The following PPP4R3A variants were observed in gnomAD, a reference collection of about 807,000 sequenced individuals.
PPP4R3A encodes the protein serine/threonine-protein phosphatase 4 regulatory subunit 3A.
A neutral mutation model predicts 91.7 loss-of-function variants in PPP4R3A; 15 were observed. The ratio of observed to expected loss-of-function variants is 0.16; its 90% CI spans 0.11 to 0.25. The LOEUF is 0.25. Ranked by LOEUF, PPP4R3A falls within the 10% of genes least tolerant of loss-of-function variation. PPP4R3A has a pLI of 1.00. For missense variants in PPP4R3A, 623 were observed against 998.4 expected (o/e 0.62, Z 5.07); for synonymous variants, 377 against 348.7 (o/e 1.08, Z -0.91).
chr14:91,490,479 CT>C (rs11462458), intron 2 of PPP4R3A, among the ~76,000 whole-genome samples: 29 of 147,068 alleles, frequency 2.0e-4, no homozygotes, highest in East Asian at 1.2e-3. Flanking sequence ...CAATGGTCAC[CT>C]TTTTTTTTTA....
Position 91,461,442 on chromosome 14 carries a change from G to A in PPP4R3A, c.2330C>T (p.Ser777Phe). ...GSPGSPGSPG[S>F]PGSPGSVPKN... ...AGGTACGGATCCAGGAGAGCCTGGA[G>A]ATCCTGGGGATCCAGGTGATCCCGG... The change falls in exon 14 of 15, where the codon TCT (serine) becomes TTT (phenylalanine). Residue 777 changes from serine to phenylalanine, a missense_variant. Ser to Phe is a radical substitution (Grantham distance 155). Transcript: ENST00000554943. 6.2e-7 allele frequency: 1 copy of A among 1,614,118 alleles called. No individual in the cohort carries two copies. Among genetic ancestry groups the A allele is most frequent in the Non-Finnish European group, 8.5e-7 (1 of 1,179,984 alleles).
At chr14:91,479,363 C>A (rs1889409133) in intron 4 of PPP4R3A, among the ~76,000 whole-genome samples, 1 of 150,514 alleles carries the variant, frequency 6.6e-6, no homozygotes, top group African/African-American at 2.5e-5. Context: ...CTTTGTACTA[C>A]ACAAACTTAT....
At chr14:91,479,175 G>A (rs1340084191) in intron 4 of PPP4R3A, among the ~76,000 whole-genome samples, 1 of 151,938 alleles carries the variant, frequency 6.6e-6, no homozygotes, top group East Asian at 1.9e-4. Context: ...TAGAGACGAG[G>A]TTTTGCCATG....
chr14:91,508,678 T>A (rs1891564775), intron 1 of PPP4R3A, among the ~76,000 whole-genome samples: 1 of 152,194 alleles, frequency 6.6e-6, no homozygotes, highest in Admixed American at 6.5e-5. Flanking sequence ...CGTGAAACAC[T>A]TATTTTCAAA....
intron 9 of PPP4R3A, among the ~76,000 whole-genome samples, chr14:91,472,208 T>C (rs1475781395): frequency 1.3e-5 from 2 of 151,480 alleles, no homozygotes; most frequent in African/African-American, 4.9e-5. Flanking sequence ...CTAATGAATA[T>C]AATACAAAAA....
chr14:91,507,633 C>G (rs1336384986), intron 1 of PPP4R3A, among the ~76,000 whole-genome samples: 5 of 39,362 alleles, frequency 1.3e-4, no homozygotes, highest in Non-Finnish European at 2.4e-4. Context: ...ATTATATATA[C>G]TATAATAATA....
intron 6 of PPP4R3A, 109 bp downstream of exon 6, chr14:91,476,299 G>T: frequency 4.7e-6 from 4 of 849,848 alleles, no homozygotes; most frequent in East Asian, 5.2e-5. Context: ...AATGAACTAC[G>T]CAGCTAATTT....
chr14:91,458,595 C>T lies in PPP4R3A; in HGVS notation c.*164G>A, dbSNP rs1887913259. The T allele has an allele frequency of 1.0e-6, 1 of 974,784 alleles. No homozygotes were observed. The highest frequency in any genetic ancestry group is 1.3e-5 in the South Asian group (1 of 77,238). The allele number at this position is 974,784 out of a possible 1,614,324, so 60.4% of individuals were successfully genotyped here. On this transcript the variant is annotated 3_prime_UTR_variant, in exon 15 of 15. Transcript: ENST00000554943. ...CCTAAATATATGATATCCCCTCCTC[C>T]TGCTCCATTGAATTGGCACTTGATG...
intron 12 of PPP4R3A, among the ~76,000 whole-genome samples, chr14:91,462,506 T>A (rs1012440168): frequency 2.6e-5 from 4 of 151,882 alleles, no homozygotes; most frequent in Non-Finnish European, 4.4e-5. Context: ...TTGGTCTTTT[T>A]TTTTTTTTTT....
rs1021333458 is a variant in PPP4R3A, at chr14:91,457,603, TAATAC to T, written c.*1151_*1155del. ...AAAACAAAAACAAGAAACATACAACTAATACAATTTCTCTTACTCTTCACTTTTCT... is the reference window on the plus strand; with the variant it reads ...AAAACAAAAACAAGAAACATACAACTAATTTCTCTTACTCTTCACTTTTCT... On this transcript the variant is annotated 3_prime_UTR_variant, in exon 15 of 15. Transcript: ENST00000554943. 5.2e-5 allele frequency: 8 copies of T among 152,626 alleles called. No individual in the cohort carries two copies. Among genetic ancestry groups the T allele is most frequent in the African/African-American group, 1.9e-4 (8 of 41,472 alleles). 9.5% of individuals were successfully genotyped at this position (152,626 alleles called of 1,614,324 possible).
rs1290942967 is a variant in PPP4R3A at position 91,476,967 on chromosome 14, G to A, written c.935C>T (p.Thr312Ile). ...ATCTGTTAGTTGTGCAAACAAATCT[G>A]TCAGAAATTTTTCATCTTCCTGTGA... ...GMLQEDEKFL[T>I]DLFAQLTDEA... Residue 312 changes from threonine (T) to isoleucine (I), a missense_variant, in exon 5 of 15, where the codon ACA becomes ATA. By Grantham distance (89) the Thr-to-Ile change is moderately conservative. Around this residue, in one of 5 missense-constraint regions of PPP4R3A, gnomAD observed 264 missense variants for 377.3 expected, o/e 0.70. Coordinates refer to ENST00000554943, the MANE Select transcript of PPP4R3A (RefSeq NM_001366432.2). 6.2e-7 allele frequency: 1 copy of A among 1,602,058 alleles called. No individual in the cohort carries two copies. The highest frequency in any genetic ancestry group is 1.7e-5 in the Admixed American group (1 of 58,360).
chr14:91,465,141 T>A (rs980730290), intron 11 of PPP4R3A, 109 bp downstream of exon 11: 1 of 866,340 alleles, frequency 1.2e-6, no homozygotes, highest in Non-Finnish European at 1.6e-6. Context: ...TTTTTTTTTT[T>A]TTTAAATCTC....
intron 10 of PPP4R3A, 97 bp from the exon 11 acceptor site, chr14:91,465,516 T>C: frequency 9.6e-7 from 1 of 1,046,886 alleles, no homozygotes; most frequent in Non-Finnish European, 1.3e-6. Flanking sequence ...AAAAACTGTT[T>C]AACACATATC....
At chr14:91,493,929 T>C (rs1482849625) in intron 1 of PPP4R3A, among the ~76,000 whole-genome samples, 1 of 150,416 alleles carries the variant, frequency 6.6e-6, no homozygotes, top group Non-Finnish European at 1.5e-5. Context: ...CATGCCTGGC[T>C]AATTTTGTAT....
In PPP4R3A at chr14:91,458,565, T is replaced by G. The variant is rs1887911087; in HGVS notation, c.*194A>C. On this transcript the variant is annotated 3_prime_UTR_variant, in exon 15 of 15. Coordinates refer to ENST00000554943, the MANE Select transcript of PPP4R3A (RefSeq NM_001366432.2). ...GCTGGAGAGCTCAAAGGCTTAAGTC[T>G]TTCCCCTAAATATATGATATCCCCT... 1.3e-6 allele frequency: 1 copy of G among 789,082 alleles called. No individual in the cohort carries two copies. The highest frequency in any genetic ancestry group is 2.2e-6 in the Non-Finnish European group (1 of 460,968). The allele number at this position is 789,082 out of a possible 1,614,324, so 48.9% of individuals were successfully genotyped here.
chr14:91,460,697 T>C (rs2140061470), intron 14 of PPP4R3A, among the ~76,000 whole-genome samples: 1 of 142,520 alleles, frequency 7.0e-6, no homozygotes, highest in South Asian at 2.4e-4. Context: ...CTCAGCTCAC[T>C]GCAAGCTCCG....
At chr14:91,460,636 C>G (rs1184045821) in intron 14 of PPP4R3A, among the ~76,000 whole-genome samples, 1 of 98,342 alleles carries the variant, frequency 1.0e-5, no homozygotes, top group Non-Finnish European at 2.2e-5. Flanking sequence ...AGATTTTGTT[C>G]CTTTTTTTTT....
intron 1 of PPP4R3A, among the ~76,000 whole-genome samples, chr14:91,496,494 T>C (rs983278281): frequency 1.3e-5 from 2 of 152,148 alleles, no homozygotes; most frequent in Non-Finnish European, 2.9e-5. Flanking sequence ...AGTACCAGTC[T>C]CTTTTACATT....
intron 1 of PPP4R3A, among the ~76,000 whole-genome samples, chr14:91,492,951 G>A (rs1326859771): frequency 1.3e-5 from 2 of 152,190 alleles, no homozygotes; most frequent in African/African-American, 2.4e-5. Flanking sequence ...AGGTGGCCAG[G>A]TGCGGTGGCT....
Sources: gnomAD v4.1 joint callset for allele counts (sites outside exome capture counted in the v4.1 genomes callset) on GRCh38, gnomAD v4.1.1 for gene constraint, gnomAD v4.1.1 regional missense constraint, MANE v1.5 for transcripts, NCBI Gene and HGNC (gene_info 2026-07-23, HGNC 2026-07-21) for gene names.